PCLO: variants seen among roughly 807,000 people sequenced by gnomAD.
PCLO encodes the protein piccolo presynaptic cytomatrix protein.
Under a neutral mutation model 427.5 loss-of-function variants are expected in PCLO, and 82 were observed. That is an observed-to-expected ratio of 0.19 (90% confidence interval 0.16 to 0.23). PCLO has a LOEUF of 0.23. Ranked by LOEUF, PCLO falls within the 10% of genes least tolerant of loss-of-function variation. The probability of loss-of-function intolerance (pLI) is 1.00; values close to 1 mark genes in which losing one functional copy is unlikely to be tolerated. For synonymous variants in PCLO, 2,357 were observed against 2,155.4 expected, an observed-to-expected ratio of 1.09 and a Z score of -2.59; for missense variants, 6,239 against 6,115.9, an observed-to-expected ratio of 1.02 and a Z score of -0.67.
intron 4 of PCLO, among the ~76,000 whole-genome samples, chr7:82,960,936 T>A (rs1795643182): frequency 6.6e-6 from 1 of 152,166 alleles, no homozygotes; most frequent in Non-Finnish European, 1.5e-5. Flanking sequence ...AAACATCTTG[T>A]GCAGTGGGTG....
At chr7:82,935,688 G>A (rs1486695429) in intron 6 of PCLO, among the ~76,000 whole-genome samples, 2 of 151,504 alleles carry the variant, frequency 1.3e-5, no homozygotes, top group East Asian at 1.9e-4. Context: ...ATTTCACAAC[G>A]CAGAGTACTA....
At chr7:83,012,375 T>C (rs1359741493) in intron 3 of PCLO, among the ~76,000 whole-genome samples, 1 of 151,976 alleles carries the variant, frequency 6.6e-6, no homozygotes, top group Non-Finnish European at 1.5e-5. Context: ...CCCAGCACTT[T>C]GGGAGGCCGA....
chr7:83,108,588 C>T (rs947308675), intron 3 of PCLO, among the ~76,000 whole-genome samples: 1 of 151,936 alleles, frequency 6.6e-6, no homozygotes, highest in Non-Finnish European at 1.5e-5. Flanking sequence ...AGGACACAAT[C>T]CTGAAACAGA....
chr7:82,950,494 A>T lies in PCLO; in HGVS notation c.10094T>A (p.Ile3365Asn). 6.2e-7 allele frequency: 1 copy of T among 1,613,756 alleles called. No homozygotes were observed. ...CCATCCTTGGCTTTGTGGTATTTCAATTGCCACAACAGCTGAAGCTGTGGT... is the reference window on the plus strand; with the variant it reads ...CCATCCTTGGCTTTGTGGTATTTCATTTGCCACAACAGCTGAAGCTGTGGT... ...ATTTASAVVA[I>N]EIPQSQGWYT... The change falls in exon 6 of 25, where the codon ATT becomes AAT. Residue 3365 changes from isoleucine to asparagine, a missense_variant. By Grantham distance (149) the Ile-to-Asn change is moderately radical. Coordinates refer to ENST00000333891, the MANE Select transcript of PCLO (RefSeq NM_033026.6).
chr7:82,955,535 T>A lies in PCLO; in HGVS notation c.5418A>T (p.Lys1806Asn). ...GAAGTTCATCTTTGTCTTTCTTTGATTTTTTACTAGAACTCTTTCTTTGTT... is the reference window on the plus strand; with the variant it reads ...GAAGTTCATCTTTGTCTTTCTTTGAATTTTTACTAGAACTCTTTCTTTGTT... ...EQQQRKSSSKKSKKDKDELRA... is the reference protein window; with the variant it reads ...EQQQRKSSSKNSKKDKDELRA... The change falls in exon 5 of 25, where the codon AAA becomes AAT. Residue 1806 changes from lysine (K) to asparagine (N), a missense_variant. Around this residue, in one of 5 missense-constraint regions of PCLO, gnomAD observed 4,677 missense variants for 4,468.4 expected, o/e 1.05. Transcript: ENST00000333891. 1 of 1,613,946 alleles carries A rather than the reference T, an allele frequency of 6.2e-7. No homozygotes were observed. Among genetic ancestry groups the A allele is most frequent in the Non-Finnish European group, 8.5e-7 (1 of 1,179,890 alleles).
intron 3 of PCLO, among the ~76,000 whole-genome samples, chr7:83,001,867 T>C (rs1282472226): frequency 6.6e-6 from 1 of 151,984 alleles, no homozygotes; most frequent in Non-Finnish European, 1.5e-5. Context: ...TTGTTGATGT[T>C]CAATTCACAA....
chr7:83,016,434 T>C (rs1788209106), intron 3 of PCLO, among the ~76,000 whole-genome samples: 1 of 151,998 alleles, frequency 6.6e-6, no homozygotes, highest in Non-Finnish European at 1.5e-5. Flanking sequence ...ATGACTGTCA[T>C]AGTTTCCTCA....
intron 2 of PCLO, among the ~76,000 whole-genome samples, chr7:83,140,423 T>C (rs1791832669): frequency 6.6e-6 from 1 of 152,192 alleles, no homozygotes; most frequent in Non-Finnish European, 1.5e-5. Flanking sequence ...GTTCTTATGC[T>C]AGTATTTATG....
At chr7:82,764,195 G>A (rs1790485882) in intron 22 of PCLO, among the ~76,000 whole-genome samples, 2 of 151,886 alleles carry the variant, frequency 1.3e-5, no homozygotes, top group Admixed American at 6.6e-5. Context: ...ACTGATTTTT[G>A]TATAGGTAAT....
At chr7:83,030,935 G>A (rs1197830916) in intron 3 of PCLO, among the ~76,000 whole-genome samples, 1 of 152,116 alleles carries the variant, frequency 6.6e-6, no homozygotes. Flanking sequence ...CAAAAAATAG[G>A]ATATTTTGAT....
chr7:82,831,035 T>C (rs1562806421), intron 16 of PCLO, among the ~76,000 whole-genome samples: 2 of 152,124 alleles, frequency 1.3e-5, no homozygotes, highest in South Asian at 4.1e-4. Flanking sequence ...TGAAAAGCAT[T>C]TTTAAAAGTA....
At chr7:82,867,284 C>T (rs1793119397) in intron 10 of PCLO, among the ~76,000 whole-genome samples, 1 of 152,140 alleles carries the variant, frequency 6.6e-6, no homozygotes. Context: ...TGCCTTTTTA[C>T]TACTTACAAT....
chr7:82,971,918 A>T (rs1021499570), intron 3 of PCLO, among the ~76,000 whole-genome samples: 1 of 151,606 alleles, frequency 6.6e-6, no homozygotes, highest in African/African-American at 2.4e-5. Flanking sequence ...ATATATTTTG[A>T]CTATGCTATT....
At chr7:83,158,907 C>T (rs1225177052) in intron 1 of PCLO, among the ~76,000 whole-genome samples, 1 of 151,886 alleles carries the variant, frequency 6.6e-6, no homozygotes, top group Non-Finnish European at 1.5e-5. Context: ...ACTGCCAATA[C>T]CAAACAAAAA....
intron 10 of PCLO, among the ~76,000 whole-genome samples, chr7:82,847,731 T>A (rs1451054424): frequency 6.6e-6 from 1 of 152,162 alleles, no homozygotes; most frequent in Admixed American, 6.5e-5. Context: ...TTCTATTTTG[T>A]CCAGATGAAA....
At chr7:82,804,209 C>A (rs777009462) in intron 21 of PCLO, among the ~76,000 whole-genome samples, 1 of 152,032 alleles carries the variant, frequency 6.6e-6, no homozygotes, top group Non-Finnish European at 1.5e-5. Flanking sequence ...GATTAGATTT[C>A]TTTTAGGAAG....
chr7:82,978,845 CACACACACACAA>C (rs1324892417), intron 3 of PCLO, among the ~76,000 whole-genome samples: 89 of 111,722 alleles, frequency 8.0e-4, no homozygotes, highest in Non-Finnish European at 1.3e-3. Context: ...AACACACACA[CACACACACACAA>C]ACACACACAC....
chr7:82,925,163 CCATT>C (rs1316462064), intron 6 of PCLO, among the ~76,000 whole-genome samples: 4 of 152,074 alleles, frequency 2.6e-5, no homozygotes, highest in Non-Finnish European at 5.9e-5. Context: ...CTGCTCCTGG[CCATT>C]CATTCTTTTT....
intron 10 of PCLO, among the ~76,000 whole-genome samples, chr7:82,855,774 A>C (rs970647733): frequency 3.9e-5 from 6 of 152,102 alleles, no homozygotes; most frequent in African/African-American, 1.4e-4. Flanking sequence ...ATTATGCTGA[A>C]TCTTACTGGG....
Sources: gnomAD v4.1 joint callset for allele counts (sites outside exome capture counted in the v4.1 genomes callset) on GRCh38, gnomAD v4.1.1 for gene constraint, gnomAD v4.1.1 regional missense constraint, MANE v1.5 for transcripts, NCBI Gene and HGNC (gene_info 2026-07-23, HGNC 2026-07-21) for gene names.